The following NCOA6 variants were observed in gnomAD, a reference collection of about 807,000 sequenced individuals.
The protein encoded by NCOA6 is nuclear receptor coactivator 6, also known as NRC RAP250.
In NCOA6, 49 loss-of-function variants were observed where a neutral mutation model predicts 171.4. That is an observed-to-expected ratio of 0.29 (90% CI 0.23 to 0.36). The LOEUF (loss-of-function observed/expected upper bound fraction) is 0.36, where lower values mean the gene tolerates loss of function less well. Among genes scored for constraint, NCOA6 ranks in the 10% least tolerant of loss-of-function variants. The probability of loss-of-function intolerance (pLI) is 1.00; values close to 1 mark genes in which losing one functional copy is unlikely to be tolerated. For synonymous variants in NCOA6, 910 were observed against 927.5 expected (o/e 0.98, Z 0.34); for missense variants, 2,248 against 2,554.5 (o/e 0.88, Z 2.59).
Position 34,805,460 on chromosome 20 carries a change from T to G in NCOA6, c.-163-12897A>C, listed in dbSNP as rs916721586. Among the ~76,000 whole-genome samples, 5 of 152,334 alleles carry G rather than the reference T, an allele frequency of 3.3e-5. 1 individual carries two copies. The Middle Eastern group carries it at 0.01, about 311-fold the overall frequency. ...CTTAACATAATGTCCTCCAGGCTGA[T>G]GCATGTTGCTACAAATGACAAGATT... On this transcript the variant is annotated intron_variant, in intron 1 of 14. Coordinates refer to ENST00000359003, the MANE Select transcript of NCOA6 (RefSeq NM_014071.5).
At chr20:34,715,808 C>T (rs998400292) in intron 14 of NCOA6, among the ~76,000 whole-genome samples, 1 of 152,140 alleles carries the variant, frequency 6.6e-6, no homozygotes. Context: ...CCTTTTGGAG[C>T]CAAGCTATTG....
chr20:34,769,730 G>A (rs909879349), intron 4 of NCOA6, among the ~76,000 whole-genome samples: 1 of 152,116 alleles, frequency 6.6e-6, no homozygotes, highest in East Asian at 1.9e-4. Context: ...GTTACTAGAA[G>A]TGTTCCAATT....
chr20:34,740,513 G>A lies in NCOA6; in HGVS notation c.5743C>T (p.Arg1915Cys), dbSNP rs747486995. The A allele has an allele frequency of 2.2e-5, 36 of 1,614,034 alleles. No homozygotes were observed. The highest frequency in any genetic ancestry group is 6.7e-5 in the Admixed American group (4 of 60,004). ...LPGGALPTSV[R>C]SIVTTLVPSE... ...GGTACCAGAGTGGTTACTATCGAGC[G>A]TACACTGGTGGGGAGAGCACCGCCA... Residue 1915 changes from arginine (R) to cysteine (C), a missense_variant, in exon 11 of 15, where the codon CGC becomes TGC. Coordinates refer to ENST00000359003, the MANE Select transcript of NCOA6 (RefSeq NM_014071.5).
rs1426457882 is a variant in NCOA6 at position 34,754,777 on chromosome 20, G to A, written c.1620C>T (p.Thr540=). ...GCTGAGGGGCTCCTGAATTCCCAGG[G>A]GTGGTTGCTGTGGTCGAAGGCACCT... is the stretch of plus-strand genomic sequence containing the variant. ...QGQVPSTTAT[T]PGNSGAPQLQ... is the part of the protein sequence containing the mutation. The change falls in exon 8 of 15, where the codon ACC becomes ACT. Residue 540 remains threonine, a synonymous_variant. Coordinates refer to ENST00000359003, the MANE Select transcript of NCOA6 (RefSeq NM_014071.5). The A allele has an allele frequency of 1.2e-6, 2 of 1,614,096 alleles. No homozygotes were observed. Among genetic ancestry groups the A allele is most frequent in the African/African-American group, 1.3e-5 (1 of 74,926 alleles).
Position 34,772,135 on chromosome 20 carries a change from C to A in NCOA6, c.392-3549G>T, listed in dbSNP as rs183354096. 2.8e-4 allele frequency among the ~76,000 whole-genome samples: 42 copies of A among 152,152 alleles called. 1 individual carries two copies. The East Asian group carries it at 7.3e-3, about 27-fold the overall frequency. On this transcript the variant is annotated intron_variant, in intron 4 of 14. Coordinates refer to ENST00000359003, the MANE Select transcript of NCOA6 (RefSeq NM_014071.5). The stretch of plus-strand genomic sequence containing the variant: ...CAGACCAGGAGTTCAAGACTAGCGA[C>A]ATGGTGAGACCCCGTCTCTATAAAA...
At chr20:34,733,894 C>A (rs892329069) in intron 12 of NCOA6, among the ~76,000 whole-genome samples, 1 of 138,852 alleles carries the variant, frequency 7.2e-6, no homozygotes, top group Non-Finnish European at 1.5e-5. Flanking sequence ...GGAATCTTTG[C>A]TTCTCATTGC....
At chr20:34,797,274 T>C (rs1173434259) in intron 1 of NCOA6, among the ~76,000 whole-genome samples, 1 of 152,138 alleles carries the variant, frequency 6.6e-6, no homozygotes, top group Admixed American at 6.5e-5. Context: ...GTCTTGCAAC[T>C]TGGATACCAG....
intron 13 of NCOA6, among the ~76,000 whole-genome samples, chr20:34,729,401 G>A (rs1172417644): frequency 6.6e-6 from 1 of 152,152 alleles, no homozygotes; most frequent in African/African-American, 2.4e-5. Context: ...GTAATTCTCT[G>A]ATCTGAATTT....
intron 1 of NCOA6, among the ~76,000 whole-genome samples, chr20:34,815,726 G>A (rs1370128001): frequency 6.6e-6 from 1 of 152,024 alleles, no homozygotes; most frequent in African/African-American, 2.4e-5. Flanking sequence ...AGAAGAGAGG[G>A]CTAACAAAAC....
chr20:34,750,402 G>A lies in NCOA6; in HGVS notation c.1793C>T (p.Thr598Ile). 6.2e-7 allele frequency: 1 copy of A among 1,614,082 alleles called. No homozygotes were observed. Among genetic ancestry groups the A allele is most frequent in the Non-Finnish European group, 8.5e-7 (1 of 1,180,030 alleles). ...GAGGTTCACTTGAGGAACCCCAGAA[G>A]TACCAGCCTGCTGATTGTTCATGTT... is the stretch of plus-strand genomic sequence containing the variant. ...HGNMNNQQAG[T>I]SGVPQVNLSN... Residue 598 changes from threonine (T) to isoleucine (I), a missense_variant, in exon 9 of 15, where the codon ACT (threonine) becomes ATT (isoleucine). Around this residue, in one of 7 missense-constraint regions of NCOA6, gnomAD observed 987 missense variants for 1,104.7 expected, o/e 0.89. Coordinates refer to ENST00000359003, the MANE Select transcript of NCOA6 (RefSeq NM_014071.5).
chr20:34,815,467 T>C (rs1169636348), intron 1 of NCOA6, among the ~76,000 whole-genome samples: 1 of 152,188 alleles, frequency 6.6e-6, no homozygotes, highest in Non-Finnish European at 1.5e-5. Flanking sequence ...ATTCTATTTG[T>C]TATTTTAAAA....
At chr20:34,792,146 C>T (rs1039912289) in intron 2 of NCOA6, among the ~76,000 whole-genome samples, 1 of 151,990 alleles carries the variant, frequency 6.6e-6, no homozygotes, top group Admixed American at 6.6e-5. Flanking sequence ...ATTTGAAGTA[C>T]AATATCCTAT....
chr20:34,787,186 G>A (rs1466587658), intron 2 of NCOA6, among the ~76,000 whole-genome samples: 1 of 150,966 alleles, frequency 6.6e-6, no homozygotes, highest in Non-Finnish European at 1.5e-5. Flanking sequence ...CAATCTTATT[G>A]TCCTCCAATC....
chr20:34,758,976 A>T lies in NCOA6; in HGVS notation c.515-43T>A, dbSNP rs904556883. 1.9e-6 allele frequency: 3 copies of T among 1,589,244 alleles called. No individual in the cohort carries two copies. The African/African-American group carries it at 4.1e-5, about 22-fold the overall frequency. ...AAAATAGAGTACTGGAATTGGCACA[A>T]TTTTTGTTTTTTAATGAGTTATTTC... On this transcript the variant is annotated intron_variant, in intron 5 of 14. Coordinates refer to ENST00000359003, the MANE Select transcript of NCOA6 (RefSeq NM_014071.5).
intron 1 of NCOA6, among the ~76,000 whole-genome samples, chr20:34,818,779 G>C (rs1166362559): frequency 6.6e-6 from 1 of 152,218 alleles, no homozygotes; most frequent in Non-Finnish European, 1.5e-5. Context: ...GTATCTTGCA[G>C]AGTTCTAGCC....
Position 34,727,316 on chromosome 20 carries a change from C to G in NCOA6, c.6091G>C (p.Glu2031Gln), listed in dbSNP as rs761255027. 6.2e-7 allele frequency: 1 copy of G among 1,614,160 alleles called. No individual in the cohort carries two copies. The highest frequency in any genetic ancestry group is 1.1e-5 in the South Asian group (1 of 91,082). Reference protein sequence around the residue: ...EEPTVASESVENGHRKRSSRP... With the variant: ...EEPTVASESVQNGHRKRSSRP... ...GAAGATCGTTTACGATGTCCATTTT[C>G]CACACTTTCAGAGGCCACAGTTGGC... The change falls in exon 14 of 15, where the codon GAA becomes CAA. Residue 2031 changes from glutamate (E) to glutamine (Q), a missense_variant. By Grantham distance (29) the Glu-to-Gln change is conservative. Coordinates refer to ENST00000359003, the MANE Select transcript of NCOA6 (RefSeq NM_014071.5).
chr20:34,815,273 A>G (rs1198186822), intron 1 of NCOA6, among the ~76,000 whole-genome samples: 1 of 151,316 alleles, frequency 6.6e-6, no homozygotes, highest in African/African-American at 2.4e-5. Context: ...TTCACTCAGG[A>G]GACTGAGGTA....
chr20:34,751,286 C>T (rs1480115943), intron 8 of NCOA6, among the ~76,000 whole-genome samples: 1 of 144,424 alleles, frequency 6.9e-6, no homozygotes, highest in African/African-American at 2.6e-5. Context: ...AGGAGAATGG[C>T]GTGAACCCGG....
chr20:34,779,203 A>G (rs2077443393), intron 3 of NCOA6, among the ~76,000 whole-genome samples: 1 of 152,248 alleles, frequency 6.6e-6, no homozygotes, highest in East Asian at 1.9e-4. Context: ...AATCCCAGGC[A>G]CAGTTAGCTG....
Sources: gnomAD v4.1 joint callset for allele counts (sites outside exome capture counted in the v4.1 genomes callset) on GRCh38, gnomAD v4.1.1 for gene constraint, gnomAD v4.1.1 regional missense constraint, MANE v1.5 for transcripts, NCBI Gene and HGNC (gene_info 2026-07-23, HGNC 2026-07-21) for gene names.